The following B3GLCT variants were observed in gnomAD, a reference collection of about 807,000 sequenced individuals.
B3GLCT encodes the protein beta-1,3-glucosyltransferase.
In B3GLCT, 65 loss-of-function variants were observed where a neutral mutation model predicts 63.4. That is an observed-to-expected ratio of 1.03 (90% confidence interval 0.84 to 1.26). The LOEUF (loss-of-function observed/expected upper bound fraction) is 1.26. Among genes scored for constraint, B3GLCT ranks in the 50% most tolerant of loss-of-function variants. B3GLCT has a pLI of 0.00. For synonymous variants in B3GLCT, 233 were observed against 219.2 expected (o/e 1.06, Z -0.55); for missense variants, 577 against 604.8 (o/e 0.95, Z 0.48).
chr13:31,262,599 CTT>C (rs34847958), intron 7 of B3GLCT, among the ~76,000 whole-genome samples: 50,558 of 152,016 alleles, frequency 0.33, 9,234 homozygotes, highest in Non-Finnish European at 0.42. Context: ...ATTAAATACA[CTT>C]TGGTTTGCTA....
chr13:31,229,345 T>G (rs764311519), intron 4 of B3GLCT, 51 bp downstream of exon 4: 7 of 1,111,362 alleles, frequency 6.3e-6, no homozygotes, highest in Non-Finnish European at 9.7e-6. Flanking sequence ...CTTGATTACC[T>G]TGATGTTTTC....
At chr13:31,314,822 G>T (rs562428268) in intron 12 of B3GLCT, among the ~76,000 whole-genome samples, 1 of 152,178 alleles carries the variant, frequency 6.6e-6, no homozygotes, top group Admixed American at 6.5e-5. Flanking sequence ...ATCTCAACTC[G>T]AATTGTATCT....
At chr13:31,324,713 C>CTTAT (rs1032319839) in intron 14 of B3GLCT, among the ~76,000 whole-genome samples, 1 of 151,722 alleles carries the variant, frequency 6.6e-6, no homozygotes, top group Non-Finnish European at 1.5e-5. Flanking sequence ...TTTTTTATGC[C>CTTAT]TTATTTATTT....
intron 2 of B3GLCT, among the ~76,000 whole-genome samples, chr13:31,217,296 G>GT (rs1869610113): frequency 6.6e-6 from 1 of 152,114 alleles, no homozygotes; most frequent in Non-Finnish European, 1.5e-5. Flanking sequence ...AAATGGGGTT[G>GT]TTTTTTGCTT....
chr13:31,227,376 A>T (rs1870153690), intron 3 of B3GLCT, among the ~76,000 whole-genome samples: 1 of 152,210 alleles, frequency 6.6e-6, no homozygotes, highest in Admixed American at 6.5e-5. Context: ...TTCTTAACAA[A>T]AAGAAATCCT....
intron 1 of B3GLCT, among the ~76,000 whole-genome samples, chr13:31,206,153 G>A (rs1020021541): frequency 2.6e-4 from 40 of 152,304 alleles, no homozygotes; most frequent in African/African-American, 9.4e-4. Flanking sequence ...GCCTCAGCCC[G>A]TTGTGAAAAT....
intron 6 of B3GLCT, 100 bp from the exon 7 acceptor site, chr13:31,260,846 C>A (rs759457671): frequency 1.8e-5 from 20 of 1,139,010 alleles, no homozygotes; most frequent in Non-Finnish European, 2.0e-5. Flanking sequence ...CTCTTTATCA[C>A]CCAAAATATT....
At chr13:31,312,880 A>ACTCTTTTTTTTTTTTTTTT (rs1247471257) in intron 12 of B3GLCT, 2 of 152,230 alleles carry the variant, frequency 1.3e-5, no homozygotes, top group African/African-American at 4.8e-5. Flanking sequence ...AGCAGATCAG[A>ACTCTTTTTTTTTTTTTTTT]TTTTTACACC....
At chr13:31,318,340 G>A (rs1875160406) in intron 13 of B3GLCT, among the ~76,000 whole-genome samples, 1 of 152,094 alleles carries the variant, frequency 6.6e-6, no homozygotes, top group African/African-American at 2.4e-5. Context: ...CTGTGTTCCA[G>A]GCAGCATTCT....
rs115538416 is a variant in B3GLCT, at chr13:31,324,895, G to A, written c.1329+1000G>A. Among the ~76,000 whole-genome samples the A allele has an allele frequency of 5.2e-3, 785 of 152,106 alleles. 5 individuals are homozygous for A. The highest frequency in any genetic ancestry group is 0.018 in the African/African-American group (759 of 41,488). On this transcript the variant is annotated intron_variant, in intron 14 of 14. Coordinates refer to ENST00000343307, the MANE Select transcript of B3GLCT (RefSeq NM_194318.4). Reference sequence around the variant, plus strand: ...AATTTTTAAAGTTTTTTATAGAGATGGGGGTCTTACTATGTTGCCCAGACT... The same window carrying A: ...AATTTTTAAAGTTTTTTATAGAGATAGGGGTCTTACTATGTTGCCCAGACT...
intron 3 of B3GLCT, among the ~76,000 whole-genome samples, chr13:31,228,401 A>G (rs1015561173): frequency 6.6e-6 from 1 of 152,228 alleles, no homozygotes; most frequent in African/African-American, 2.4e-5. Context: ...AGGACTACAT[A>G]ACAAAGTACC....
chr13:31,204,335 C>T (rs1868832993), intron 1 of B3GLCT, among the ~76,000 whole-genome samples: 1 of 152,150 alleles, frequency 6.6e-6, no homozygotes, highest in Non-Finnish European at 1.5e-5. Flanking sequence ...CCTACAAAGG[C>T]ACAGGACAGT....
At chr13:31,247,760 G>T in intron 5 of B3GLCT, 95 bp from the exon 6 acceptor site, 1 of 681,466 alleles carries the variant, frequency 1.5e-6, no homozygotes, top group Non-Finnish European at 2.7e-6. Flanking sequence ...ATGCCATTCT[G>T]TGTACCCTTC....
At chr13:31,262,792 C>T (rs374220095) in intron 7 of B3GLCT, among the ~76,000 whole-genome samples, 53 of 152,274 alleles carry the variant, frequency 3.5e-4, no homozygotes, top group African/African-American at 1.2e-3. Flanking sequence ...TTCTCATCCT[C>T]GGCCACAGGA....
intron 2 of B3GLCT, among the ~76,000 whole-genome samples, chr13:31,221,514 A>G (rs1869811479): frequency 6.6e-6 from 1 of 152,248 alleles, no homozygotes; most frequent in African/African-American, 2.4e-5. Context: ...GGATTAAGTT[A>G]GGTGTCACTT....
chr13:31,214,892 G>C (rs1869471503), intron 1 of B3GLCT, among the ~76,000 whole-genome samples, 159 bp from the exon 2 acceptor site: 1 of 152,248 alleles, frequency 6.6e-6, no homozygotes, highest in African/African-American at 2.4e-5. Flanking sequence ...GATGAAGAAA[G>C]CCAGTAATAC....
rs541324211 is a variant in B3GLCT, at chr13:31,286,790, A to C, written c.1035A>C (p.Leu345Phe). Residue 345 changes from leucine to phenylalanine, a missense_variant, in exon 12 of 15, where the codon TTA becomes TTC. Physicochemically the swap from Leu to Phe is conservative, Grantham distance 22 (BLOSUM62 0). Transcript: ENST00000343307. ...GTAGCCAGGACAAAACAGCATGGTTAGTCATTGTGGATGATGATACATTAA... is the reference window on the plus strand; with the variant it reads ...GTAGCCAGGACAAAACAGCATGGTTCGTCATTGTGGATGATGATACATTAA... ...LNRSQDKTAWLVIVDDDTLIS... is the reference protein window; with the variant it reads ...LNRSQDKTAWFVIVDDDTLIS... The C allele has an allele frequency of 6.2e-7, 1 of 1,612,918 alleles. No individual in the cohort carries two copies. The highest frequency in any genetic ancestry group is 1.3e-5 in the African/African-American group (1 of 75,006).
chr13:31,213,009 G>T (rs559576231), intron 1 of B3GLCT, among the ~76,000 whole-genome samples: 1 of 142,120 alleles, frequency 7.0e-6, no homozygotes, highest in African/African-American at 2.5e-5. Flanking sequence ...TTGAAGAAAT[G>T]ATTGGGCTTT....
intron 12 of B3GLCT, among the ~76,000 whole-genome samples, chr13:31,292,672 T>A (rs1327893287): frequency 6.7e-6 from 1 of 150,092 alleles, no homozygotes; most frequent in Non-Finnish European, 1.5e-5. Context: ...TTTATCATTT[T>A]TTATAGTTTC....
Sources: gnomAD v4.1 joint callset for allele counts (sites outside exome capture counted in the v4.1 genomes callset) on GRCh38, gnomAD v4.1.1 for gene constraint, MANE v1.5 for transcripts, NCBI Gene and HGNC (gene_info 2026-07-23, HGNC 2026-07-21) for gene names.